The following C11orf65 variants were observed in gnomAD, a reference collection of about 807,000 sequenced individuals.
C11orf65 encodes chromosome 11 open reading frame 65, also known as protein MFI.
A neutral mutation model predicts 35.3 loss-of-function variants in C11orf65; 38 were observed. That is an observed-to-expected ratio of 1.08 (90% CI 0.83 to 1.41). The LOEUF (loss-of-function observed/expected upper bound fraction) is 1.41. C11orf65 is among the 40% of genes most tolerant of loss of function. The pLI, the probability that C11orf65 is intolerant of heterozygous loss-of-function variation, is 0.00. For synonymous variants in C11orf65, 105 were observed against 114.4 expected (o/e 0.92, Z 0.53); for missense variants, 370 against 367.1 (o/e 1.01, Z -0.06).
upstream of C11orf65, among the ~76,000 whole-genome samples, chr11:108,468,975 G>A (rs2093561949): frequency 6.6e-6 from 1 of 152,056 alleles, no homozygotes; most frequent in Non-Finnish European, 1.5e-5. Context: ...CTCCCAAGTA[G>A]CTGGGACTAC....
At chr11:108,395,905 G>C (rs1289876375) in intron 6 of C11orf65, among the ~76,000 whole-genome samples, 1 of 151,924 alleles carries the variant, frequency 6.6e-6, no homozygotes, top group Non-Finnish European at 1.5e-5. Flanking sequence ...ACAGGTGTGA[G>C]CCACCGCGCC....
At chr11:108,412,854 C>A (rs958595240) in intron 3 of C11orf65, among the ~76,000 whole-genome samples, 1 of 152,152 alleles carries the variant, frequency 6.6e-6, no homozygotes, top group African/African-American at 2.4e-5. Flanking sequence ...GGAAAACTGT[C>A]AGGACTAAAT....
chr11:108,363,219 C>G (rs1360318538), intron 2 of C11orf65, among the ~76,000 whole-genome samples: 1 of 152,132 alleles, frequency 6.6e-6, no homozygotes. Context: ...CATTTCTTTC[C>G]TCTCTTGGAT....
intron 2 of C11orf65, chr11:108,336,265 G>A (rs1247412094): frequency 3.1e-6 from 1 of 322,458 alleles, no homozygotes; most frequent in Non-Finnish European, 5.9e-6. Context: ...AAACTCTGCA[G>A]TGAGCCCCAG....
chr11:108,463,241 T>C lies in C11orf65; in HGVS notation c.-9-1673A>G, dbSNP rs555476889. Among the ~76,000 whole-genome samples, 108 of 128,514 alleles carry C rather than the reference T, an allele frequency of 8.4e-4. 1 individual carries two copies. The highest frequency in any genetic ancestry group is 2.5e-3 in the African/African-American group (102 of 40,028). 84.3% of individuals were successfully genotyped at this position (128,514 alleles called of 152,430 possible). A position where few individuals can be genotyped will look rare whatever the true frequency, so the allele number is the denominator to read the frequency against. On this transcript the variant is annotated intron_variant, in intron 1 of 8. Coordinates refer to ENST00000393084, the MANE Select transcript of C11orf65 (RefSeq NM_152587.5). ...AACATATAACATACATCTACTAATG[T>C]TTAGAAAGACAGAGGCTAAACAGAA... is the stretch of plus-strand genomic sequence containing the variant.
intron 3 of C11orf65, among the ~76,000 whole-genome samples, chr11:108,414,080 A>G (rs2092695995): frequency 6.6e-6 from 1 of 152,080 alleles, no homozygotes; most frequent in Non-Finnish European, 1.5e-5. Flanking sequence ...GCAGAAATCA[A>G]TGAAATTGAT....
chr11:108,326,305 A>C, intron 6 of C11orf65: 2 of 1,517,410 alleles, frequency 1.3e-6, no homozygotes, highest in Non-Finnish European at 1.8e-6. Context: ...ATTTTTAATA[A>C]CAATTTTATT....
Position 108,345,891 on chromosome 11 carries a change from T to C in C11orf65, c.227-10599A>G. ...AAGCGATTGGCTTATACGCGCAGTGTAGCTACTTCTTCTATTGGTAATCTT... is the reference window on the plus strand; with the variant it reads ...AAGCGATTGGCTTATACGCGCAGTGCAGCTACTTCTTCTATTGGTAATCTT... On this transcript the variant is annotated intron_variant, in intron 2 of 3. Coordinates refer to the C11orf65 transcript ENST00000524755. The C allele has an allele frequency of 1.2e-6, 2 of 1,613,754 alleles. No individual in the cohort carries two copies. Among genetic ancestry groups the C allele is most frequent in the Non-Finnish European group, 1.7e-6 (2 of 1,179,762 alleles).
chr11:108,458,826 C>A (rs1007194643), intron 2 of C11orf65, among the ~76,000 whole-genome samples: 1 of 152,118 alleles, frequency 6.6e-6, no homozygotes, highest in African/African-American at 2.4e-5. Context: ...GTCCTGTCCC[C>A]AGAACCACAA....
intron 6 of C11orf65, among the ~76,000 whole-genome samples, chr11:108,315,458 A>C (rs1227038737): frequency 2.6e-5 from 4 of 152,230 alleles, no homozygotes. Flanking sequence ...AAATGTATAC[A>C]AATGATGGAA....
Position 108,358,001 on chromosome 11 carries a change from T to A in C11orf65, c.227-22709A>T, listed in dbSNP as rs2090231474. ...TTCAGACGATCAAATTACTCTGAGC[T>A]ACGGGAGGACATTCAAACCAAAGGC... is the stretch of plus-strand genomic sequence containing the variant. On this transcript the variant is annotated intron_variant, in intron 2 of 3. Transcript: ENST00000524755. Among the ~76,000 whole-genome samples the A allele has an allele frequency of 2.0e-5, 3 of 146,810 alleles. No homozygotes were observed. The South Asian group carries it at 6.5e-4, about 32-fold the overall frequency.
chr11:108,405,453 C>G lies in C11orf65; in HGVS notation c.536G>C (p.Arg179Thr). 6 of 1,612,470 alleles carry G rather than the reference C, an allele frequency of 3.7e-6. No individual in the cohort carries two copies. Among genetic ancestry groups the G allele is most frequent in the Non-Finnish European group, 5.1e-6 (6 of 1,179,704 alleles). ...RQDLEKKRKLRKIEWMRQMYY... is the reference protein window; with the variant it reads ...RQDLEKKRKLTKIEWMRQMYY... ...CATTTGCCTCATCCACTCTATTTTT[C>G]TAAGTTTTCTTTTCTTTTCCAAATC... Residue 179 changes from arginine (R) to threonine (T), a missense_variant, in exon 6 of 9, where the codon AGA becomes ACA. Arg to Thr is a moderately conservative substitution (Grantham distance 71). Coordinates refer to ENST00000393084, the MANE Select transcript of C11orf65 (RefSeq NM_152587.5).
chr11:108,401,113 A>C (rs75396098), intron 6 of C11orf65, among the ~76,000 whole-genome samples: 1 of 116,328 alleles, frequency 8.6e-6, no homozygotes, highest in African/African-American at 2.8e-5. Flanking sequence ...CGTCTCAAAG[A>C]AAAAAAAAAA....
chr11:108,385,159 C>T (rs535467842), intron 8 of C11orf65, among the ~76,000 whole-genome samples: 10 of 152,194 alleles, frequency 6.6e-5, no homozygotes, highest in South Asian at 6.2e-4. Context: ...CTGCAACCTC[C>T]GCCTCCCTGT....
At chr11:108,372,131 G>A (rs2091590128) in intron 2 of C11orf65, among the ~76,000 whole-genome samples, 1 of 152,174 alleles carries the variant, frequency 6.6e-6, no homozygotes, top group Non-Finnish European at 1.5e-5. Context: ...TGTAGTGTTT[G>A]AATATTTAAT....
rs767406075 is a variant in C11orf65 at position 108,317,391 on chromosome 11, C to T, written c.641-8320G>A. On this transcript the variant is annotated intron_variant, in intron 6 of 6. Transcript: ENST00000525729. ...TGTTTAGGCCTTGCAGAATTTGGGA[C>T]TCTGCCATATTCTTTCCGTCTATTT... is the stretch of plus-strand genomic sequence containing the variant. 4 of 1,611,840 alleles carry T rather than the reference C, an allele frequency of 2.5e-6. No homozygotes were observed. The highest frequency in any genetic ancestry group is 3.4e-6 in the Non-Finnish European group (4 of 1,178,880).
At chr11:108,350,118 A>G (rs2089002814) in intron 2 of C11orf65, among the ~76,000 whole-genome samples, 1 of 152,230 alleles carries the variant, frequency 6.6e-6, no homozygotes, top group Non-Finnish European at 1.5e-5. Flanking sequence ...AGAAAGGGAT[A>G]AATAAATAAG....
At chr11:108,365,639 G>T in intron 2 of C11orf65, 1 of 1,127,294 alleles carries the variant, frequency 8.9e-7, no homozygotes, top group Non-Finnish European at 1.3e-6. Flanking sequence ...TTTGAATGTT[G>T]GTTTTAATAC....
intron 7 of C11orf65, among the ~76,000 whole-genome samples, chr11:108,387,656 T>C (rs2092043313): frequency 6.6e-6 from 1 of 152,098 alleles, no homozygotes; most frequent in Non-Finnish European, 1.5e-5. Flanking sequence ...GCCTCCTGAA[T>C]AGATGGGACC....
Sources: gnomAD v4.1 joint callset for allele counts (sites outside exome capture counted in the v4.1 genomes callset) on GRCh38, gnomAD v4.1.1 for gene constraint, MANE v1.5 for transcripts, NCBI Gene and HGNC (gene_info 2026-07-23, HGNC 2026-07-21) for gene names.